The following ZNF124 variants were observed in gnomAD, a reference collection of about 807,000 sequenced individuals.
ZNF124 encodes zinc finger protein HZF-16.
A neutral mutation model predicts 26.6 loss-of-function variants in ZNF124; 25 were observed. That is an observed-to-expected ratio of 0.94 (90% CI 0.68 to 1.31). The LOEUF (loss-of-function observed/expected upper bound fraction) is 1.31, where lower values mean the gene tolerates loss of function less well. Among genes scored for constraint, ZNF124 ranks in the 40% most tolerant of loss-of-function variants. The pLI, the probability that ZNF124 is intolerant of heterozygous loss-of-function variation, is 0.00. For synonymous variants in ZNF124, 129 were observed against 133.3 expected (o/e 0.97, Z 0.22); for missense variants, 444 against 422.2 (o/e 1.05, Z -0.45).
chr1:247,125,671 C>A (rs113134375), intron 3 of ZNF124, among the ~76,000 whole-genome samples: 1 of 148,152 alleles, frequency 6.7e-6, no homozygotes, highest in African/African-American at 2.5e-5. Context: ...ACCTCGTGAT[C>A]GGCGCCGGCG....
At chr1:247,125,941 T>C (rs1036375062) in intron 3 of ZNF124, among the ~76,000 whole-genome samples, 3 of 151,182 alleles carry the variant, frequency 2.0e-5, no homozygotes, top group African/African-American at 7.3e-5. Context: ...AAAGTAAATA[T>C]TGTACAATTG....
Position 247,157,361 on chromosome 1 carries a change from C to T in ZNF124, c.261G>A (p.Glu87=). The change falls in exon 4 of 4, where the codon GAG becomes GAA. Residue 87 remains glutamate (E), a synonymous_variant. Transcript: ENST00000543802. ...SHSGNNPYGC[E]ECGKKPCTCK... is the part of the protein sequence containing the mutation. The stretch of plus-strand genomic sequence containing the variant: ...ATGTACATGGCTTCTTTCCGCATTC[C>T]TCACACCCATATGGGTTGTTTCCAG... 3 of 1,554,558 alleles carry T rather than the reference C, an allele frequency of 1.9e-6. No homozygotes were observed. Among genetic ancestry groups the T allele is most frequent in the Non-Finnish European group, 2.6e-6 (3 of 1,148,182 alleles).
downstream of ZNF124, among the ~76,000 whole-genome samples, chr1:247,151,151 C>T (rs1056667654): frequency 6.6e-6 from 1 of 152,104 alleles, no homozygotes; most frequent in Non-Finnish European, 1.5e-5. Flanking sequence ...GACCATCACA[C>T]AGCAACCAGA....
At chr1:247,125,637 C>T (rs953902570) in intron 3 of ZNF124, among the ~76,000 whole-genome samples, 18 of 132,636 alleles carry the variant, frequency 1.4e-4, no homozygotes, top group African/African-American at 4.6e-4. Flanking sequence ...TCACCACATT[C>T]GCCAGGCTGG....
At chr1:247,144,293 C>T (rs1672705216) in intron 3 of ZNF124, among the ~76,000 whole-genome samples, 1 of 152,192 alleles carries the variant, frequency 6.6e-6, no homozygotes, top group African/African-American at 2.4e-5. Context: ...CACTCCCTAC[C>T]TTCTCCTAGA....
intron 1 of ZNF124, among the ~76,000 whole-genome samples, chr1:247,161,680 TAAC>T (rs1169805121): frequency 6.6e-6 from 1 of 151,836 alleles, no homozygotes; most frequent in African/African-American, 2.4e-5. Context: ...AAAAGATACA[TAAC>T]AAGAAAAAAG....
At chr1:247,139,526 T>C (rs992515275) in intron 3 of ZNF124, among the ~76,000 whole-genome samples, 2 of 152,388 alleles carry the variant, frequency 1.3e-5, no homozygotes, top group Non-Finnish European at 2.9e-5. Context: ...TGTGTGGATT[T>C]GATCCTGTCA....
intron 1 of ZNF124, among the ~76,000 whole-genome samples, chr1:247,165,236 G>T (rs559538252): frequency 1.3e-5 from 2 of 152,310 alleles, no homozygotes; most frequent in East Asian, 3.9e-4. Context: ...AAAGTGCTGG[G>T]ATTACAGGCG....
In ZNF124 at chr1:247,157,143, C is replaced by A. The variant is rs1673192622; in HGVS notation, c.479G>T (p.Gly160Val). ...YECMECGKAL[G>V]FSRSLNRHKR... ...ATGTCTATTAAGAGAACGGGAAAAACCTAAGGCTTTCCCACATTCCATACA... is the reference window on the plus strand; with the variant it reads ...ATGTCTATTAAGAGAACGGGAAAAAACTAAGGCTTTCCCACATTCCATACA... The change falls in exon 4 of 4, where the codon GGT (glycine) becomes GTT (valine). Residue 160 changes from glycine to valine, a missense_variant. By Grantham distance (109) the Gly-to-Val change is moderately radical. Transcript: ENST00000543802. The A allele has an allele frequency of 6.2e-7, 1 of 1,614,038 alleles. No individual in the cohort carries two copies. The highest frequency in any genetic ancestry group is 8.5e-7 in the Non-Finnish European group (1 of 1,179,968).
chr1:247,163,392 AAT>A (rs1491483223), intron 1 of ZNF124, among the ~76,000 whole-genome samples: 4 of 24,722 alleles, frequency 1.6e-4, no homozygotes, highest in Admixed American at 6.5e-4. Flanking sequence ...TAGCTAGACT[AAT>A]AAAGAAAAGG....
In ZNF124 at chr1:247,157,365, C is replaced by A. The variant is rs1369635586; in HGVS notation, c.257G>T (p.Cys86Phe). 1 of 1,553,928 alleles carries A rather than the reference C, an allele frequency of 6.4e-7. No individual in the cohort carries two copies. The highest frequency in any genetic ancestry group is 1.2e-5 in the South Asian group (1 of 84,578). The change falls in exon 4 of 4, where the codon TGT becomes TTT. Residue 86 changes from cysteine to phenylalanine, a missense_variant. Transcript: ENST00000543802. ...ACATGGCTTCTTTCCGCATTCCTCA[C>A]ACCCATATGGGTTGTTTCCAGAATG... Reference protein sequence around the residue: ...ISHSGNNPYGCEECGKKPCTC... With the variant: ...ISHSGNNPYGFEECGKKPCTC...
intron 3 of ZNF124, among the ~76,000 whole-genome samples, chr1:247,140,098 C>T (rs1182775520): frequency 2.0e-5 from 3 of 152,182 alleles, no homozygotes. Context: ...AACTTGTTTG[C>T]TTTCTTCCCA....
chr1:247,152,052 C>G (rs868537855), downstream of ZNF124, among the ~76,000 whole-genome samples: 9 of 131,774 alleles, frequency 6.8e-5, no homozygotes, highest in Non-Finnish European at 1.3e-4. Flanking sequence ...CCCCACCCCC[C>G]GCTTTTTTTT....
At chr1:247,138,534 T>G in intron 3 of ZNF124, 1 of 369,880 alleles carries the variant, frequency 2.7e-6, no homozygotes, top group East Asian at 3.8e-5. Flanking sequence ...CCGCGGCACA[T>G]GTATACCCAT....
chr1:247,128,510 G>A (rs1445233216), intron 3 of ZNF124, among the ~76,000 whole-genome samples: 1 of 146,836 alleles, frequency 6.8e-6, no homozygotes, highest in Non-Finnish European at 1.5e-5. Flanking sequence ...TTTAGGGGTG[G>A]AGCCTCTCAG....
At chr1:247,139,714 G>A (rs112393704) in intron 3 of ZNF124, among the ~76,000 whole-genome samples, 8,609 of 152,186 alleles carry the variant, frequency 0.057, 330 homozygotes, top group African/African-American at 0.098. Context: ...CTCAGCATTT[G>A]CTTGTCTGAA....
chr1:247,165,937 G>C (rs1362858938), intron 1 of ZNF124, among the ~76,000 whole-genome samples: 1 of 152,174 alleles, frequency 6.6e-6, no homozygotes, highest in East Asian at 1.9e-4. Flanking sequence ...CAGCAGTTCA[G>C]GAGGTTGAGG....
chr1:247,141,969 G>A (rs1453615021), intron 3 of ZNF124, among the ~76,000 whole-genome samples: 1 of 152,200 alleles, frequency 6.6e-6, no homozygotes, highest in East Asian at 1.9e-4. Context: ...GTGCTGCAGT[G>A]CAGAACTTCT....
At chr1:247,130,370 A>G (rs1412235828) in intron 3 of ZNF124, among the ~76,000 whole-genome samples, 1 of 152,204 alleles carries the variant, frequency 6.6e-6, no homozygotes, top group African/African-American at 2.4e-5. Flanking sequence ...CTACCAGGGA[A>G]AAATAGGGAC....
Sources: allele counts gnomAD v4.1 joint callset (sites outside exome capture counted in the v4.1 genomes callset), GRCh38; gene constraint gnomAD v4.1.1; transcripts MANE v1.5; gene names NCBI Gene and HGNC (gene_info 2026-07-23, HGNC 2026-07-21).